The following KCNK2 variants were observed in gnomAD, a reference collection of about 807,000 sequenced individuals.
KCNK2 encodes the protein potassium channel subfamily K member 2.
Under a neutral mutation model 40.5 loss-of-function variants are expected in KCNK2, and 21 were observed. The observed-to-expected ratio is 0.52, with a 90% CI of 0.37 to 0.75. KCNK2 has a LOEUF of 0.75. Ranked by LOEUF, KCNK2 falls within the 30% of genes least tolerant of loss-of-function variation. The pLI, the probability that KCNK2 is intolerant of heterozygous loss-of-function variation, is 0.00. For missense variants in KCNK2, 399 were observed against 531.6 expected, an observed-to-expected ratio of 0.75 and a Z score of 2.45; for synonymous variants, 191 against 202.2, an observed-to-expected ratio of 0.94 and a Z score of 0.47.
intron 1 of KCNK2, among the ~76,000 whole-genome samples, chr1:215,036,819 C>T (rs1390142801): frequency 1.3e-5 from 2 of 151,346 alleles, no homozygotes; most frequent in Non-Finnish European, 3.0e-5. Flanking sequence ...TTTGATTTTC[C>T]AATTGTTTGT....
chr1:215,131,808 C>T (rs1172333121), intron 3 of KCNK2, among the ~76,000 whole-genome samples: 4 of 152,128 alleles, frequency 2.6e-5, no homozygotes, highest in Admixed American at 6.6e-5. Context: ...TTTCTATCAC[C>T]GGAGTGTAGA....
intron 1 of KCNK2, among the ~76,000 whole-genome samples, chr1:215,034,716 A>C (rs766396171): frequency 3.3e-4 from 50 of 151,938 alleles, no homozygotes; most frequent in Non-Finnish European, 2.1e-4. Flanking sequence ...TCTATGTGTA[A>C]GTTTGTATTT....
intron 1 of KCNK2, among the ~76,000 whole-genome samples, chr1:215,030,934 T>A (rs2601625): frequency 0.44 from 66,530 of 151,952 alleles, 16,272 homozygotes; most frequent in Non-Finnish European, 0.55. Flanking sequence ...GGATGTAAGA[T>A]CTGCATCTCG....
chr1:215,192,835 T>A (rs1664721838), intron 5 of KCNK2, among the ~76,000 whole-genome samples: 1 of 152,178 alleles, frequency 6.6e-6, no homozygotes, highest in Non-Finnish European at 1.5e-5. Flanking sequence ...TATTATTCAC[T>A]TTGTAAAATG....
intron 2 of KCNK2, among the ~76,000 whole-genome samples, chr1:215,101,634 AT>A (rs1660223547): frequency 6.6e-6 from 1 of 152,018 alleles, no homozygotes; most frequent in Non-Finnish European, 1.5e-5. Context: ...GAAATAGACA[AT>A]TGCATCATAA....
intron 6 of KCNK2, among the ~76,000 whole-genome samples, chr1:215,209,491 A>AT (rs1290141007): frequency 2.2e-4 from 7 of 31,174 alleles, no homozygotes; most frequent in Non-Finnish European, 3.7e-4. Flanking sequence ...TATAATACAT[A>AT]TATATAATAT....
chr1:215,230,007 C>A lies in KCNK2; in HGVS notation c.964-4821C>A, dbSNP rs561535076. Among the ~76,000 whole-genome samples the A allele has an allele frequency of 3.4e-5, 5 of 145,876 alleles. No individual in the cohort carries two copies. In the East Asian group the frequency reaches 7.9e-4, roughly 23 times the overall value. On this transcript the variant is annotated intron_variant, in intron 6 of 6. Coordinates refer to ENST00000444842, the MANE Select transcript of KCNK2 (RefSeq NM_001017425.3). ...TTTTGAGAACACACACAGATATGCA[C>A]ACACACAGATTATATATATATATAC...
At chr1:215,039,267 A>C (rs183021297) in intron 1 of KCNK2, among the ~76,000 whole-genome samples, 1 of 152,256 alleles carries the variant, frequency 6.6e-6, no homozygotes, top group East Asian at 1.9e-4. Flanking sequence ...AAATTACTCC[A>C]ACTTGAATAT....
At chr1:215,061,886 G>C (rs1260238046) in intron 1 of KCNK2, among the ~76,000 whole-genome samples, 1 of 152,062 alleles carries the variant, frequency 6.6e-6, no homozygotes, top group Admixed American at 6.6e-5. Context: ...TTGTCTAAGG[G>C]TAGGAGGAAT....
Position 215,169,364 on chromosome 1 carries a change from G to C in KCNK2, c.636+5G>C. 6.3e-7 allele frequency: 1 copy of C among 1,594,046 alleles called. No homozygotes were observed. Among genetic ancestry groups the C allele is most frequent in the Non-Finnish European group, 8.6e-7 (1 of 1,168,248 alleles). On this transcript the variant is annotated splice_donor_5th_base_variant and intron_variant, in intron 4 of 6. Transcript: ENST00000444842. ...AAAGTGGAAGATACGTTTATTGTGA[G>C]TATGATAGATATTTAACTACGTATA...
intron 5 of KCNK2, among the ~76,000 whole-genome samples, chr1:215,191,520 G>T (rs1046902609): frequency 1.3e-5 from 2 of 151,994 alleles, no homozygotes; most frequent in African/African-American, 4.8e-5. Context: ...TACTAGATTG[G>T]ATTAGGCTCT....
chr1:215,204,613 T>G (rs891266500), intron 6 of KCNK2, among the ~76,000 whole-genome samples: 1 of 151,840 alleles, frequency 6.6e-6, no homozygotes, highest in Non-Finnish European at 1.5e-5. Flanking sequence ...TTTTGGACTT[T>G]CTTCAGCAAA....
intron 6 of KCNK2, among the ~76,000 whole-genome samples, chr1:215,198,142 GTTTTGTT>G (rs2102669503): frequency 6.6e-6 from 1 of 152,192 alleles, no homozygotes; most frequent in African/African-American, 2.4e-5. Flanking sequence ...GGGTTTTTTG[GTTTTGTT>G]TTTTGTTTTT....
chr1:215,114,597 C>A (rs1660839076), intron 2 of KCNK2, among the ~76,000 whole-genome samples: 1 of 152,134 alleles, frequency 6.6e-6, no homozygotes, highest in African/African-American at 2.4e-5. Flanking sequence ...GAAGCTAAGA[C>A]AGAATCAGTA....
chr1:215,114,375 G>A (rs1353774761), intron 2 of KCNK2, among the ~76,000 whole-genome samples: 4 of 152,180 alleles, frequency 2.6e-5, no homozygotes, highest in African/African-American at 7.2e-5. Context: ...AGGTGCCTGA[G>A]GGAAAGGTTT....
chr1:215,126,208 A>T (rs538891743), intron 3 of KCNK2, among the ~76,000 whole-genome samples: 4 of 152,242 alleles, frequency 2.6e-5, no homozygotes, highest in Admixed American at 2.0e-4. Flanking sequence ...GTACTGTTCT[A>T]TTGTTATGAG....
At chr1:215,101,782 A>G (rs1027568611) in intron 2 of KCNK2, among the ~76,000 whole-genome samples, 1 of 151,974 alleles carries the variant, frequency 6.6e-6, no homozygotes, top group Non-Finnish European at 1.5e-5. Flanking sequence ...TCAAAATGTC[A>G]TATCTCAATG....
chr1:215,011,937 G>T (rs1170342717), intron 1 of KCNK2, among the ~76,000 whole-genome samples: 1 of 152,042 alleles, frequency 6.6e-6, no homozygotes, highest in Non-Finnish European at 1.5e-5. Context: ...TTAGAGGAAT[G>T]CACTTACATT....
At chr1:215,119,926 C>T (rs1190252276) in intron 2 of KCNK2, among the ~76,000 whole-genome samples, 3 of 152,136 alleles carry the variant, frequency 2.0e-5, no homozygotes, top group Non-Finnish European at 2.9e-5. Flanking sequence ...CTTAGCTCTA[C>T]GTCAGTGAGT....
Sources: gnomAD v4.1 joint callset for allele counts (sites outside exome capture counted in the v4.1 genomes callset) on GRCh38, gnomAD v4.1.1 for gene constraint, MANE v1.5 for transcripts, NCBI Gene and HGNC (gene_info 2026-07-23, HGNC 2026-07-21) for gene names.